KHSRP: variants seen among roughly 807,000 people sequenced by gnomAD.
KHSRP encodes the protein far upstream element-binding protein 2.
In KHSRP, 13 loss-of-function variants were observed where a neutral mutation model predicts 94.9. The observed-to-expected ratio is 0.14, with a 90% confidence interval of 0.09 to 0.22. The LOEUF (loss-of-function observed/expected upper bound fraction) is 0.22, where lower values mean the gene tolerates loss of function less well. KHSRP is among the 10% of genes least tolerant of loss of function. The pLI is 1.00. For synonymous variants in KHSRP, 495 were observed against 401.4 expected, an observed-to-expected ratio of 1.23 and a Z score of -2.79; for missense variants, 710 against 1,010.0, an observed-to-expected ratio of 0.70 and a Z score of 4.03.
rs2092113215 is a variant in KHSRP, at chr19:6,413,313, GA to G, written c.*1710del. Reference sequence around the variant, plus strand: ...CGCTTCAAAACTACAGGGAGGGAAGGAAAGGGGGGGAGACAGACAGCACCCG... The same window carrying G: ...CGCTTCAAAACTACAGGGAGGGAAGGAAGGGGGGGAGACAGACAGCACCCG... On this transcript the variant is annotated 3_prime_UTR_variant, in exon 19 of 19. Transcript: ENST00000600480. 3.7e-6 allele frequency: 1 copy of G among 273,826 alleles called. No individual in the cohort carries two copies. The highest frequency in any genetic ancestry group is 7.4e-6 in the Non-Finnish European group (1 of 134,404). The allele number at this position is 273,826 out of a possible 1,614,324, so 17.0% of individuals were successfully genotyped here. A position where few individuals can be genotyped will look rare whatever the true frequency, so the allele number is the denominator to read the frequency against.
In KHSRP at chr19:6,413,894, C is replaced by T; in HGVS notation, c.*1130G>A. 1 of 437,174 alleles carries T rather than the reference C, an allele frequency of 2.3e-6. No individual in the cohort carries two copies. Among genetic ancestry groups the T allele is most frequent in the Non-Finnish European group, 3.9e-6 (1 of 258,906 alleles). The allele number at this position is 437,174 out of a possible 1,614,324, so 27.1% of individuals were successfully genotyped here. Reference sequence around the variant, plus strand: ...CTGGCTGGCTCAACATGGAAGGATCCCAATTTTGAAAGAAAAAGCATGTGA... The same window carrying T: ...CTGGCTGGCTCAACATGGAAGGATCTCAATTTTGAAAGAAAAAGCATGTGA... On this transcript the variant is annotated 3_prime_UTR_variant, in exon 19 of 19. Coordinates refer to ENST00000600480, the MANE Select transcript of KHSRP (RefSeq NM_001366299.1).
Position 6,415,880 on chromosome 19 carries a change from G to T in KHSRP, c.1615C>A (p.Pro539Thr). Reference sequence around the variant, plus strand: ...CAGCCCTGGGGTGGGTACTGGTGAGGAGGGGGCCCCCCGGCACTGCAGGAG... The same window carrying T: ...CAGCCCTGGGGTGGGTACTGGTGAGTAGGGGGCCCCCCGGCACTGCAGGAG... ...GAPPHAGGPP[P>T]HQYPPQGWGN... is the part of the protein sequence containing the mutation. Residue 539 changes from proline (P) to threonine (T), a missense_variant, in exon 16 of 19, where the codon CCT becomes ACT. By Grantham distance (38) the Pro-to-Thr change is conservative. Coordinates refer to ENST00000600480, the MANE Select transcript of KHSRP (RefSeq NM_001366299.1). 1 of 1,535,094 alleles carries T rather than the reference G, an allele frequency of 6.5e-7. No individual in the cohort carries two copies. Among genetic ancestry groups the T allele is most frequent in the Non-Finnish European group, 8.8e-7 (1 of 1,140,842 alleles).
chr19:6,414,762 A>G lies in KHSRP; in HGVS notation c.*262T>C. 1.8e-6 allele frequency: 2 copies of G among 1,103,600 alleles called. No individual in the cohort carries two copies. The allele number at this position is 1,103,600 out of a possible 1,614,324, so 68.4% of individuals were successfully genotyped here. On this transcript the variant is annotated 3_prime_UTR_variant, in exon 19 of 19. Coordinates refer to ENST00000600480, the MANE Select transcript of KHSRP (RefSeq NM_001366299.1). ...GGGAAAAAATAGACGTTTTCTTCCCAAGTGGCCAGATTGTGAGCGAGGTGG... is the reference window on the plus strand; with the variant it reads ...GGGAAAAAATAGACGTTTTCTTCCCGAGTGGCCAGATTGTGAGCGAGGTGG...
rs1045274230 is a variant in KHSRP at position 6,414,295 on chromosome 19, G to T, written c.*729C>A. 2.9e-6 allele frequency: 4 copies of T among 1,394,248 alleles called. No individual in the cohort carries two copies. The highest frequency in any genetic ancestry group is 5.4e-5 in the East Asian group (2 of 37,192). 86.4% of individuals were successfully genotyped at this position (1,394,248 alleles called of 1,614,324 possible). On this transcript the variant is annotated 3_prime_UTR_variant, in exon 19 of 19. Coordinates refer to ENST00000600480, the MANE Select transcript of KHSRP (RefSeq NM_001366299.1). ...TTGTTAACTGTCTAGCCAGGTGCTC[G>T]CGGGACTCGCTGAAGTCACGCTGCT...
chr19:6,416,027 G>C (rs2092143114), intron 15 of KHSRP, 131 bp from the exon 16 acceptor site: 1 of 677,396 alleles, frequency 1.5e-6, no homozygotes, highest in South Asian at 2.0e-5. Flanking sequence ...GGGGCGCCTG[G>C]GAAAGGCCTA....
At position 6,415,083 on chromosome 19, in the gene KHSRP, C is replaced by T. The variant is rs747171045; in HGVS notation, c.2185G>A (p.Val729Ile). 1.8e-5 allele frequency: 28 copies of T among 1,589,686 alleles called. No homozygotes were observed. The South Asian group carries it at 1.8e-4, about 10-fold the overall frequency. ...GCGCTACCCACTAAGGCAGGATGGA[C>T]GGTGGCCGGGGGTTGGAAGGAGAAA... ...PPFSFQPPAT[V>I]HPALVGSAGN... The change falls in exon 19 of 19, where the codon GTC becomes ATC. Residue 729 changes from valine (V) to isoleucine (I), a missense_variant. Val to Ile is a conservative substitution (Grantham distance 29). This residue lies in a region of KHSRP where 292 missense variants were observed against 340.5 expected (regional missense o/e 0.86). Coordinates refer to ENST00000600480, the MANE Select transcript of KHSRP (RefSeq NM_001366299.1).
At chr19:6,420,035 C>G in intron 6 of KHSRP, 38 bp downstream of exon 6, 1 of 1,500,558 alleles carries the variant, frequency 6.7e-7, no homozygotes, top group Non-Finnish European at 9.3e-7. Context: ...GGGCCCAACC[C>G]TGGCCCCCAC....
Position 6,419,275 on chromosome 19 carries a change from TAG to T in KHSRP, c.548-17_548-16del, listed in dbSNP as rs1568344038. 3 of 1,558,748 alleles carry T rather than the reference TAG, an allele frequency of 1.9e-6. No individual in the cohort carries two copies. In the African/African-American group the frequency reaches 4.1e-5, roughly 21 times the overall value. ...GCCACCGCTGTCTGAAAAGAGGAGATAGAGTCAGTGCCCTCCCTGGCCCACAG... is the reference window on the plus strand; with the variant it reads ...GCCACCGCTGTCTGAAAAGAGGAGATAGTCAGTGCCCTCCCTGGCCCACAG... On this transcript the variant is annotated splice_polypyrimidine_tract_variant and intron_variant, in intron 6 of 18. Transcript: ENST00000600480.
Position 6,418,069 on chromosome 19 carries a change from T to C in KHSRP, c.890A>G (p.Glu297Gly). 6.2e-7 allele frequency: 1 copy of C among 1,613,808 alleles called. No individual in the cohort carries two copies. The highest frequency in any genetic ancestry group is 1.3e-5 in the African/African-American group (1 of 74,972). ...TTCCCGGAGGATGTCCATCACCATCTCACAGGCTTGCTGCAAACACACAGG... is the reference window on the plus strand; with the variant it reads ...TTCCCGGAGGATGTCCATCACCATCCCACAGGCTTGCTGCAAACACACAGG... ...GDPYKVQQAC[E>G]MVMDILRERD... The change falls in exon 10 of 19, where the codon GAG (glutamate) becomes GGG (glycine). Residue 297 changes from glutamate (E) to glycine (G), a missense_variant. Transcript: ENST00000600480. The surrounding 1 kb of genome is among the most constrained non-coding windows in gnomAD (Gnocchi z 4.3).
intron 3 of KHSRP, 54 bp from the exon 4 acceptor site, chr19:6,421,371 G>A (rs2092194093): frequency 6.5e-7 from 1 of 1,541,878 alleles, no homozygotes; most frequent in Non-Finnish European, 8.8e-7. Flanking sequence ...TCGGGCACTT[G>A]GCACTGCCTG....
Position 6,416,493 on chromosome 19 carries a change from G to T in KHSRP, c.1485C>A (p.Ile495=). ...DHAKQLIEEK[I]EGPLCPVGPG... is the part of the protein sequence containing the mutation. ...CCCAGAGCCCGCCCCAACCCACCTC[G>T]ATCTTTTCCTCGATAAGCTGCTTGG... The change falls in exon 14 of 19, where the codon ATC becomes ATA. Residue 495 remains isoleucine (I), a synonymous_variant. Transcript: ENST00000600480. 1.9e-6 allele frequency: 3 copies of T among 1,612,656 alleles called. No homozygotes were observed. Among genetic ancestry groups the T allele is most frequent in the Non-Finnish European group, 2.5e-6 (3 of 1,179,408 alleles).
At position 6,416,600 on chromosome 19, in the gene KHSRP, T is replaced by A; in HGVS notation, c.1378A>T (p.Ile460Phe). The A allele has an allele frequency of 6.2e-7, 1 of 1,613,830 alleles. No homozygotes were observed. The highest frequency in any genetic ancestry group is 8.5e-7 in the Non-Finnish European group (1 of 1,179,762). ...INQQTGAFVE[I>F]SRQLPPNGDP... ...CCGTTGGGTGGCAGCTGCCGGGAGA[T>A]CTCTACGAAGGCTCCCGTCTGCTGG... The change falls in exon 14 of 19, where the codon ATC becomes TTC. Residue 460 changes from isoleucine to phenylalanine, a missense_variant. Ile to Phe is a conservative substitution (Grantham distance 21). Coordinates refer to ENST00000600480, the MANE Select transcript of KHSRP (RefSeq NM_001366299.1).
Position 6,414,169 on chromosome 19 carries a change from TG to T in KHSRP, c.*854del. 2 of 679,254 alleles carry T rather than the reference TG, an allele frequency of 2.9e-6. No homozygotes were observed. Among genetic ancestry groups the T allele is most frequent in the Non-Finnish European group, 4.3e-6 (2 of 460,312 alleles). The allele number at this position is 679,254 out of a possible 1,614,324, so 42.1% of individuals were successfully genotyped here. A position where few individuals can be genotyped will look rare whatever the true frequency, so the allele number is the denominator to read the frequency against. On this transcript the variant is annotated 3_prime_UTR_variant, in exon 19 of 19. Coordinates refer to ENST00000600480, the MANE Select transcript of KHSRP (RefSeq NM_001366299.1). ...ATTGGTCACTACGGGGAGGGAAGGG[TG>T]GGAGACTAGGGGGCGGAAGAGAGGA...
In KHSRP at chr19:6,419,212, T is replaced by G. The variant is rs1947455691; in HGVS notation, c.596A>C (p.Glu199Ala). 1 of 1,583,814 alleles carries G rather than the reference T, an allele frequency of 6.3e-7. No individual in the cohort carries two copies. Among genetic ancestry groups the G allele is most frequent in the African/African-American group, 1.3e-5 (1 of 74,272 alleles). Reference sequence around the variant, plus strand: ...CCCTGTGGGGACTTACTGGACAGATTCTGGGGCTCCTGTCAAGGACACACT... The same window carrying G: ...CCCTGTGGGGACTTACTGGACAGATGCTGGGGCTCCTGTCAAGGACACACT... ...ERSVSLTGAP[E>A]SVQKAKMMLD... Residue 199 changes from glutamate (E) to alanine (A), a missense_variant, in exon 7 of 19, where the codon GAA becomes GCA. By Grantham distance (107) the Glu-to-Ala change is moderately radical. Coordinates refer to ENST00000600480, the MANE Select transcript of KHSRP (RefSeq NM_001366299.1).
At chr19:6,421,029 T>A in intron 4 of KHSRP, 2 of 532,230 alleles carry the variant, frequency 3.8e-6, no homozygotes, top group Non-Finnish European at 6.7e-6. Context: ...GAGGAAGCCA[T>A]AGGGTGCGGA....
intron 1 of KHSRP, 110 bp from the exon 2 acceptor site, chr19:6,422,546 G>T: frequency 1.3e-6 from 1 of 759,740 alleles, no homozygotes; most frequent in Non-Finnish European, 2.2e-6. Flanking sequence ...TCAGGTCTTG[G>T]TGTCTGGCCC....
rs779658802 is a variant in KHSRP, at chr19:6,418,104, C to T, written c.880-25G>A. On this transcript the variant is annotated intron_variant, in intron 9 of 18. Transcript: ENST00000600480. This position sits in a 1 kb window ranked among gnomAD's most constrained non-coding sequence, Gnocchi z 4.3. ...GCTGCAAACACACAGGAAGCAGCCCCCATGGGTGAGCCCTGCTGCCCCACA... is the reference window on the plus strand; with the variant it reads ...GCTGCAAACACACAGGAAGCAGCCCTCATGGGTGAGCCCTGCTGCCCCACA... The T allele has an allele frequency of 2.5e-6, 4 of 1,606,422 alleles. No individual in the cohort carries two copies. Among genetic ancestry groups the T allele is most frequent in the Non-Finnish European group, 2.6e-6 (3 of 1,173,460 alleles).
chr19:6,416,925 C>T (rs372422878), intron 12 of KHSRP, 43 bp from the exon 13 acceptor site: 616 of 1,612,876 alleles, frequency 3.8e-4, no homozygotes, highest in Non-Finnish European at 5.0e-4. Flanking sequence ...CCCTGGAAGC[C>T]GGTCTGGTCT....
rs745815821 is a variant in KHSRP at position 6,415,412 on chromosome 19, G to A, written c.1934C>T (p.Thr645Met). Residue 645 changes from threonine to methionine, a missense_variant, in exon 18 of 19, where the codon ACG (threonine) becomes ATG (methionine). Physicochemically the swap from Thr to Met is moderately conservative, Grantham distance 81 (BLOSUM62 -1). Transcript: ENST00000600480. ...QPGAPPQQDY[T>M]KAWEEYYKKQ... ...CTTGTAGTACTCCTCCCAAGCCTTC[G>A]TGTAGTCCTGCTGTGGGGGTGCTCC... is the stretch of plus-strand genomic sequence containing the variant. 20 of 1,590,984 alleles carry A rather than the reference G, an allele frequency of 1.3e-5. No homozygotes were observed. Among genetic ancestry groups the A allele is most frequent in the African/African-American group, 4.0e-5 (3 of 74,464 alleles).
Sources: gnomAD v4.1 joint callset for allele counts on GRCh38, gnomAD v4.1.1 for gene constraint, gnomAD v4.1.1 regional missense constraint, Gnocchi (gnomAD v3.1) non-coding constraint, MANE v1.5 for transcripts, NCBI Gene and HGNC (gene_info 2026-07-23, HGNC 2026-07-21) for gene names.